The following CNBD1 variants were observed in gnomAD, a reference collection of about 807,000 sequenced individuals.
The protein encoded by CNBD1 is cyclic nucleotide binding domain containing 1.
In CNBD1, 71 loss-of-function variants were observed where a neutral mutation model predicts 54.4. That is an observed-to-expected ratio of 1.30 (90% confidence interval 1.08 to 1.59). CNBD1 has a LOEUF of 1.59. CNBD1 is among the 40% of genes most tolerant of loss of function. The probability of loss-of-function intolerance (pLI) is 0.00; values close to 1 mark genes in which losing one functional copy is unlikely to be tolerated. For missense variants in CNBD1, 659 were observed against 518.0 expected (o/e 1.27, Z -2.64); for synonymous variants, 182 against 170.7 (o/e 1.07, Z -0.51).
rs138077447 is a variant in CNBD1, at chr8:87,080,238, T to A, written c.432-125755T>A. ...TCAGATATGGTAAGTCTTCCACCTTTGTTCTTTTTCAAAATTACTTTGGAT... is the reference window on the plus strand; with the variant it reads ...TCAGATATGGTAAGTCTTCCACCTTAGTTCTTTTTCAAAATTACTTTGGAT... On this transcript the variant is annotated intron_variant, in intron 4 of 10. Coordinates refer to ENST00000518476, the MANE Select transcript of CNBD1 (RefSeq NM_173538.3). 4.1e-3 allele frequency among the ~76,000 whole-genome samples: 630 copies of A among 152,318 alleles called. 2 individuals are homozygous for A. Among genetic ancestry groups the A allele is most frequent in the African/African-American group, 0.014 (596 of 41,554 alleles).
intron 3 of CNBD1, among the ~76,000 whole-genome samples, chr8:86,918,251 C>T (rs1351131319): frequency 6.6e-6 from 1 of 152,050 alleles, no homozygotes; most frequent in Non-Finnish European, 1.5e-5. Context: ...TGTAAACATG[C>T]TTTCTTAAAG....
intron 8 of CNBD1, among the ~76,000 whole-genome samples, chr8:87,332,866 G>A (rs1329271125): frequency 6.6e-6 from 1 of 151,986 alleles, no homozygotes; most frequent in Admixed American, 6.6e-5. Context: ...GCCGTTTTTT[G>A]GTTCCATATG....
chr8:87,378,789 T>C (rs1195623400), intron 10 of CNBD1, among the ~76,000 whole-genome samples: 1 of 151,228 alleles, frequency 6.6e-6, no homozygotes, highest in Non-Finnish European at 1.5e-5. Flanking sequence ...CCCATGAGCA[T>C]GGAATGTTCT....
chr8:87,332,350 GA>G (rs34418577), intron 8 of CNBD1, among the ~76,000 whole-genome samples: 51,446 of 116,374 alleles, frequency 0.44, 9,038 homozygotes, highest in Middle Eastern at 0.52. Flanking sequence ...TCTGTCTAAA[GA>G]AAAAAAAAAA....
chr8:87,128,862 T>A (rs1812054662), intron 4 of CNBD1, among the ~76,000 whole-genome samples: 1 of 148,780 alleles, frequency 6.7e-6, no homozygotes, highest in Non-Finnish European at 1.5e-5. Flanking sequence ...GGTGGGTGGA[T>A]CATGAGGTCA....
At chr8:87,216,140 T>C (rs746553832) in intron 5 of CNBD1, among the ~76,000 whole-genome samples, 12 of 152,194 alleles carry the variant, frequency 7.9e-5, no homozygotes, top group Non-Finnish European at 1.5e-4. Flanking sequence ...AAATGCTTTT[T>C]AAAAATCAAT....
intron 6 of CNBD1, among the ~76,000 whole-genome samples, chr8:87,277,642 A>C (rs1808511190): frequency 6.6e-6 from 1 of 151,706 alleles, no homozygotes; most frequent in Admixed American, 6.6e-5. Context: ...TCAGTCTATC[A>C]GTTGAAACCC....
At chr8:87,055,115 C>G (rs1458842266) in intron 4 of CNBD1, among the ~76,000 whole-genome samples, 2 of 152,168 alleles carry the variant, frequency 1.3e-5, no homozygotes, top group Non-Finnish European at 2.9e-5. Context: ...GGATGTTATT[C>G]AAGCTTGTGG....
chr8:87,228,967 A>G (rs1357850882), intron 5 of CNBD1, among the ~76,000 whole-genome samples: 1 of 152,138 alleles, frequency 6.6e-6, no homozygotes, highest in Non-Finnish European at 1.5e-5. Context: ...AGCCCGTCGG[A>G]AAAGCGCGGT....
At chr8:87,423,386 C>T (rs966596742) in intron 2 of CNBD1, among the ~76,000 whole-genome samples, 2 of 150,752 alleles carry the variant, frequency 1.3e-5, no homozygotes, top group African/African-American at 4.9e-5. Flanking sequence ...AGTTTTTGCC[C>T]ATTCAGTATG....
intron 8 of CNBD1, among the ~76,000 whole-genome samples, chr8:87,312,681 G>A (rs1809293651): frequency 6.6e-6 from 1 of 151,786 alleles, no homozygotes; most frequent in African/African-American, 2.4e-5. Context: ...TGATTTTTTA[G>A]CTTTAATGAA....
At chr8:87,180,099 G>A (rs1586311174) in intron 4 of CNBD1, among the ~76,000 whole-genome samples, 2 of 152,114 alleles carry the variant, frequency 1.3e-5, no homozygotes, top group Non-Finnish European at 2.9e-5. Flanking sequence ...TTTCTGAATT[G>A]CTTGTCTGCA....
chr8:87,383,067 A>T (rs1235201340), downstream of CNBD1, among the ~76,000 whole-genome samples: 3 of 152,058 alleles, frequency 2.0e-5, no homozygotes, highest in African/African-American at 7.2e-5. Context: ...AAGCATATGT[A>T]AAAGGCAAAA....
chr8:87,180,863 G>C (rs1177707117), intron 4 of CNBD1, among the ~76,000 whole-genome samples: 1 of 152,094 alleles, frequency 6.6e-6, no homozygotes, highest in Non-Finnish European at 1.5e-5. Context: ...TAACAATATT[G>C]TTTGCAGCTC....
chr8:87,253,289 C>T (rs1807946328), intron 6 of CNBD1, among the ~76,000 whole-genome samples: 1 of 151,918 alleles, frequency 6.6e-6, no homozygotes, highest in African/African-American at 2.4e-5. Context: ...AGAGTCAGCC[C>T]GGGGAGAGAG....
At chr8:87,239,122 A>G (rs1267509759) in intron 6 of CNBD1, among the ~76,000 whole-genome samples, 1 of 152,124 alleles carries the variant, frequency 6.6e-6, no homozygotes, top group Non-Finnish European at 1.5e-5. Context: ...TAAATCCAGT[A>G]TTTTTTCTAG....
At chr8:87,409,271 G>C (rs568442056) in intron 2 of CNBD1, among the ~76,000 whole-genome samples, 4 of 152,140 alleles carry the variant, frequency 2.6e-5, no homozygotes, top group African/African-American at 9.7e-5. Flanking sequence ...GGTCTGAATA[G>C]AAGATCAAAT....
intron 4 of CNBD1, among the ~76,000 whole-genome samples, chr8:87,065,594 C>G (rs933963865): frequency 2.0e-5 from 3 of 151,962 alleles, no homozygotes; most frequent in Admixed American, 2.0e-4. Context: ...TCTTAGCAGG[C>G]ATGATTTCCA....
At chr8:87,296,294 G>A (rs1808874143) in intron 8 of CNBD1, among the ~76,000 whole-genome samples, 1 of 152,024 alleles carries the variant, frequency 6.6e-6, no homozygotes. Context: ...CATACTTTTG[G>A]GAATGCCTTC....
Sources: gnomAD v4.1 joint callset for allele counts (sites outside exome capture counted in the v4.1 genomes callset) on GRCh38, gnomAD v4.1.1 for gene constraint, MANE v1.5 for transcripts, NCBI Gene and HGNC (gene_info 2026-07-23, HGNC 2026-07-21) for gene names.